Variants in USHBP1 observed in about 807,000 individuals in gnomAD.
The protein encoded by USHBP1 is harmonin-binding protein USHBP1.
A neutral mutation model predicts 76.2 loss-of-function variants in USHBP1; 67 were observed. The observed-to-expected ratio is 0.88, with a 90% CI of 0.72 to 1.08. The LOEUF (loss-of-function observed/expected upper bound fraction) is 1.08, where lower values mean the gene tolerates loss of function less well. Ranked by LOEUF, USHBP1 falls within the 50% of genes least tolerant of loss-of-function variation. USHBP1 has a pLI of 0.00. For missense variants in USHBP1, 931 were observed against 915.0 expected (o/e 1.02, Z -0.23); for synonymous variants, 322 against 362.2 (o/e 0.89, Z 1.26).
chr19:17,258,684 G>A (rs530266495), intron 7 of USHBP1: 161 of 328,622 alleles, frequency 4.9e-4, no homozygotes, highest in African/African-American at 3.3e-3. Flanking sequence ...ACTCCAGCCT[G>A]GGTGACAGAG....
intron 8 of USHBP1, among the ~76,000 whole-genome samples, chr19:17,257,642 CAA>C (rs778148447): frequency 3.0e-4 from 12 of 39,576 alleles, no homozygotes; most frequent in Middle Eastern, 0.016. Context: ...AACTCTGTCT[CAA>C]AAAAAAAAAA....
chr19:17,260,183 G>A (rs956931232), intron 4 of USHBP1, among the ~76,000 whole-genome samples, 161 bp from the exon 5 acceptor site: 1 of 152,168 alleles, frequency 6.6e-6, no homozygotes, highest in African/African-American at 2.4e-5. Flanking sequence ...CCTTGGGAAT[G>A]TTTCTCAGCT....
intron 3 of USHBP1, chr19:17,263,735 G>C: frequency 2.6e-6 from 1 of 388,378 alleles, no homozygotes. Flanking sequence ...AGCCGGATGT[G>C]GTGGCGCACA....
intron 9 of USHBP1, 106 bp from the exon 10 acceptor site, chr19:17,255,712 G>A (rs2073611677): frequency 7.8e-7 from 1 of 1,289,080 alleles, no homozygotes; most frequent in Admixed American, 2.7e-5. Context: ...CAAAAACTGT[G>A]ACTTTTGGCC....
Position 17,250,424 on chromosome 19 carries a change from G to GT in USHBP1, c.1923-11dup. 6.2e-7 allele frequency: 1 copy of GT among 1,609,010 alleles called. No homozygotes were observed. The highest frequency in any genetic ancestry group is 8.5e-7 in the Non-Finnish European group (1 of 1,179,220). On this transcript the variant is annotated splice_polypyrimidine_tract_variant and intron_variant, in intron 12 of 12. Transcript: ENST00000252597. ...GGCCAGGACCAGGGCGCTGGAAGGG[G>GT]TGGGTGGCTGGGTCAGGAAACAGCC...
intron 10 of USHBP1, among the ~76,000 whole-genome samples, chr19:17,254,051 A>G (rs920425815): frequency 2.0e-5 from 3 of 151,562 alleles, no homozygotes; most frequent in Non-Finnish European, 4.4e-5. Flanking sequence ...CTACTAAAAA[A>G]TACAAAAATT....
chr19:17,262,671 G>T lies in USHBP1; in HGVS notation c.523C>A (p.Arg175Ser), dbSNP rs369500800. The T allele has an allele frequency of 1.2e-6, 2 of 1,613,916 alleles. No homozygotes were observed. The highest frequency in any genetic ancestry group is 1.7e-6 in the Non-Finnish European group (2 of 1,180,032). ...GAGSCQREAARLAERNAWLRL... is the reference protein window; with the variant it reads ...GAGSCQREAASLAERNAWLRL... Reference sequence around the variant, plus strand: ...AGCCAGGCATTCCTCTCGGCCAGGCGAGCTGCCTCTCGCTGGCAGCTCCCT... The same window carrying T: ...AGCCAGGCATTCCTCTCGGCCAGGCTAGCTGCCTCTCGCTGGCAGCTCCCT... Residue 175 changes from arginine (R) to serine (S), a missense_variant, in exon 4 of 13, where the codon CGC (arginine) becomes AGC (serine). Transcript: ENST00000252597.
chr19:17,256,509 C>T lies in USHBP1; in HGVS notation c.1432G>A (p.Glu478Lys). 6.2e-7 allele frequency: 1 copy of T among 1,613,930 alleles called. No individual in the cohort carries two copies. Among genetic ancestry groups the T allele is most frequent in the Non-Finnish European group, 8.5e-7 (1 of 1,180,034 alleles). The change falls in exon 9 of 13, where the codon GAG (glutamate) becomes AAG (lysine). Residue 478 changes from glutamate to lysine, a missense_variant. Glu to Lys is a moderately conservative substitution (Grantham distance 56, BLOSUM62 1). Coordinates refer to ENST00000252597, the MANE Select transcript of USHBP1 (RefSeq NM_031941.4). The stretch of plus-strand genomic sequence containing the variant: ...AGGTCCTGCTGAATTTGTGTCTTCT[C>T]CAGTCGGGGAAGAGCTGGGCCAGCC... ...TQAGPALPRL[E>K]KTQIQQDLVA...
Position 17,255,539 on chromosome 19 carries a change from C to G in USHBP1, c.1538G>C (p.Arg513Pro), listed in dbSNP as rs372812911. ...VRREKRGLEL[R>P]EAALRALGPA... ...ACCCAGGGCTCGGAGGGCAGCCTCC[C>G]GCAGCTCTAGGCCCCGCTTCTCACG... Residue 513 changes from arginine to proline, a missense_variant, in exon 10 of 13, where the codon CGG (arginine) becomes CCG (proline). Transcript: ENST00000252597. The G allele has an allele frequency of 6.2e-7, 1 of 1,613,800 alleles. No homozygotes were observed. The highest frequency in any genetic ancestry group is 2.2e-5 in the East Asian group (1 of 44,876).
In USHBP1 at chr19:17,256,731, C is replaced by T. The variant is rs111701936; in HGVS notation, c.1221-11G>A. ...CTGCTGCCTTCAGGGCTATAGAAAA[C>T]AGAAAAGGTGCCTATGTCAACACTG... On this transcript the variant is annotated splice_polypyrimidine_tract_variant and intron_variant, in intron 8 of 12. Transcript: ENST00000252597. 10 of 1,613,846 alleles carry T rather than the reference C, an allele frequency of 6.2e-6. No homozygotes were observed. In the African/African-American group the frequency reaches 8.0e-5, roughly 13 times the overall value.
At position 17,264,244 on chromosome 19, in the gene USHBP1, A is replaced by G. The variant is rs1355591461; in HGVS notation, c.54+2T>C. The stretch of plus-strand genomic sequence containing the variant: ...GTGTGGAGGGGAGAGGGTGACACTT[A>G]CGGGTGGAGCATGCCTCCCTCGCCG... On this transcript the variant is annotated splice_donor_variant, in intron 2 of 12. Coordinates refer to ENST00000252597, the MANE Select transcript of USHBP1 (RefSeq NM_031941.4). LOFTEE classifies it high-confidence loss of function. The G allele has an allele frequency of 6.8e-6, 11 of 1,613,798 alleles. No homozygotes were observed. The highest frequency in any genetic ancestry group is 9.3e-6 in the Non-Finnish European group (11 of 1,179,912).
chr19:17,250,120 G>A lies in USHBP1; in HGVS notation c.*105C>T. ...TGCACCAGCTTCCCTCACGCCAAAT[G>A]TGCCCCAACATGCCAAATCATGCAA... On this transcript the variant is annotated 3_prime_UTR_variant, in exon 13 of 13. Transcript: ENST00000252597. 1 of 1,360,582 alleles carries A rather than the reference G, an allele frequency of 7.3e-7. No individual in the cohort carries two copies. Among genetic ancestry groups the A allele is most frequent in the Non-Finnish European group, 9.9e-7 (1 of 1,008,574 alleles). 84.3% of individuals were successfully genotyped at this position (1,360,582 alleles called of 1,614,324 possible).
chr19:17,259,539 T>C (rs2073662541), intron 6 of USHBP1, 57 bp downstream of exon 6: 7 of 1,603,260 alleles, frequency 4.4e-6, no homozygotes, highest in Non-Finnish European at 6.0e-6. Flanking sequence ...CCTGGCTTTA[T>C]AACTCAGTTG....
chr19:17,254,472 A>G (rs953035899), intron 10 of USHBP1, among the ~76,000 whole-genome samples: 4 of 149,584 alleles, frequency 2.7e-5, no homozygotes, highest in Non-Finnish European at 5.9e-5. Context: ...CCTTAGTAAC[A>G]TGGGGAAACC....
At chr19:17,259,486 T>C in intron 6 of USHBP1, 57 bp from the exon 7 acceptor site, 1 of 1,609,826 alleles carries the variant, frequency 6.2e-7, no homozygotes, top group Non-Finnish European at 8.5e-7. Context: ...CAGTCAGGCC[T>C]CAATTTCCAC....
Position 17,262,815 on chromosome 19 carries a change from TCA to T in USHBP1, c.377_378del (p.Leu126GlnfsTer63), listed in dbSNP as rs754088936. On this transcript the variant is annotated frameshift_variant, in exon 4 of 13. Coordinates refer to ENST00000252597, the MANE Select transcript of USHBP1 (RefSeq NM_031941.4). LOFTEE classifies it high-confidence loss of function. ...PDVFQTLQHT[L>X]SSLEAAAAAW... ...GCTGCAGCCGCTGCCTCCAGGGAGC[TCA>T]GAGTGTGCTGGAGGGTCTGAAACAC... 1 of 1,614,134 alleles carries T rather than the reference TCA, an allele frequency of 6.2e-7. No individual in the cohort carries two copies. Among genetic ancestry groups the T allele is most frequent in the South Asian group, 1.1e-5 (1 of 91,066 alleles).
chr19:17,251,868 C>A, intron 11 of USHBP1, 43 bp downstream of exon 11: 1 of 1,517,376 alleles, frequency 6.6e-7, no homozygotes, highest in Non-Finnish European at 8.8e-7. Context: ...CTCACATAGG[C>A]TGCCTGCCCA....
At chr19:17,258,156 C>T in intron 8 of USHBP1, 56 bp downstream of exon 8, 1 of 1,607,014 alleles carries the variant, frequency 6.2e-7, no homozygotes, top group South Asian at 1.1e-5. Flanking sequence ...AGCCCCATCC[C>T]CCAGTCAAGA....
intron 11 of USHBP1, 93 bp from the exon 12 acceptor site, chr19:17,251,797 A>G: frequency 6.3e-7 from 1 of 1,590,206 alleles, no homozygotes; most frequent in African/African-American, 1.3e-5. Context: ...ATTGTCATGT[A>G]AACACACCTG....
Sources: gnomAD v4.1 joint callset for allele counts (sites outside exome capture counted in the v4.1 genomes callset) on GRCh38, gnomAD v4.1.1 for gene constraint, MANE v1.5 for transcripts, NCBI Gene and HGNC (gene_info 2026-07-23, HGNC 2026-07-21) for gene names.